Variants in LRP1B observed in about 807,000 individuals in gnomAD.
LRP1B encodes the protein low-density lipoprotein receptor-related protein 1B.
LRP1B carries 217 observed loss-of-function variants against 556.6 expected under a neutral mutation model. That is an observed-to-expected ratio of 0.39 (90% confidence interval 0.35 to 0.44). The LOEUF is 0.44. LRP1B is among the 20% of genes least tolerant of loss of function. LRP1B has a pLI of 1.00. For synonymous variants in LRP1B, 2,047 were observed against 1,865.8 expected (o/e 1.10, Z -2.50); for missense variants, 5,053 against 5,620.8 (o/e 0.90, Z 3.23).
chr2:140,399,186 C>G (rs1442511256), intron 66 of LRP1B, among the ~76,000 whole-genome samples: 1 of 152,012 alleles, frequency 6.6e-6, no homozygotes, highest in Admixed American at 6.6e-5. Context: ...CACACACACA[C>G]ACACCACTTA....
At chr2:140,691,129 G>A (rs762680433) in intron 41 of LRP1B, among the ~76,000 whole-genome samples, 67 of 152,184 alleles carry the variant, frequency 4.4e-4, no homozygotes, top group African/African-American at 1.5e-3. Flanking sequence ...TAAGCACATA[G>A]CCCTTTTAAC....
At chr2:141,318,433 C>T (rs973001166) in intron 3 of LRP1B, among the ~76,000 whole-genome samples, 2 of 152,092 alleles carry the variant, frequency 1.3e-5, no homozygotes, top group African/African-American at 4.8e-5. Flanking sequence ...TTTAAAATAA[C>T]TCTTTAAGTA....
chr2:141,316,449 C>A (rs1687039858), intron 3 of LRP1B, among the ~76,000 whole-genome samples: 1 of 152,078 alleles, frequency 6.6e-6, no homozygotes, highest in South Asian at 2.1e-4. Context: ...TAAAAGAGAA[C>A]AGCACCTTTG....
intron 1 of LRP1B, among the ~76,000 whole-genome samples, chr2:141,958,679 T>C (rs1701328501): frequency 6.6e-6 from 1 of 151,466 alleles, no homozygotes; most frequent in Non-Finnish European, 1.5e-5. Flanking sequence ...CAGAATAAAG[T>C]GAAAAGCTTT....
chr2:140,679,545 C>G (rs920467983), intron 41 of LRP1B, among the ~76,000 whole-genome samples: 1 of 152,148 alleles, frequency 6.6e-6, no homozygotes, highest in South Asian at 2.1e-4. Context: ...GAAGTTAAAA[C>G]ATAATGAGTA....
Position 141,346,275 on chromosome 2 carries a change from T to C in LRP1B, c.344-91634A>G, listed in dbSNP as rs533237548. Among the ~76,000 whole-genome samples the C allele has an allele frequency of 5.3e-5, 8 of 152,224 alleles. No homozygotes were observed. In the South Asian group the frequency reaches 1.7e-3, roughly 32 times the overall value. On this transcript the variant is annotated intron_variant, in intron 3 of 90. Transcript: ENST00000389484. ...ATTTTGTTTCAAAACAAAATACTGTTTTTTTAAAAAAAGCAACCCGTTGGG... is the reference window on the plus strand; with the variant it reads ...ATTTTGTTTCAAAACAAAATACTGTCTTTTTAAAAAAAGCAACCCGTTGGG...
chr2:142,095,151 T>A (rs981607254), intron 1 of LRP1B, among the ~76,000 whole-genome samples: 2 of 151,410 alleles, frequency 1.3e-5, no homozygotes, highest in South Asian at 2.1e-4. Flanking sequence ...TTTTTTTTTT[T>A]AAATCAGCAG....
At chr2:140,942,461 G>C (rs1695429200) in intron 20 of LRP1B, among the ~76,000 whole-genome samples, 1 of 152,040 alleles carries the variant, frequency 6.6e-6, no homozygotes, top group South Asian at 2.1e-4. Flanking sequence ...ATACATACAA[G>C]ATGATCATCT....
chr2:140,894,767 G>A (rs1196373366), intron 23 of LRP1B, among the ~76,000 whole-genome samples: 1 of 152,016 alleles, frequency 6.6e-6, no homozygotes, highest in East Asian at 1.9e-4. Context: ...TGGCCAACAT[G>A]GTGAAACCCC....
chr2:141,808,120 G>A (rs1042699407), intron 2 of LRP1B, among the ~76,000 whole-genome samples: 14 of 151,924 alleles, frequency 9.2e-5, no homozygotes, highest in South Asian at 4.2e-4. Context: ...ATTCTTCACC[G>A]GCATGAAGGA....
intron 3 of LRP1B, among the ~76,000 whole-genome samples, chr2:141,431,197 G>T (rs1680551388): frequency 7.5e-6 from 1 of 133,190 alleles, no homozygotes. Flanking sequence ...ATCCTGGTGA[G>T]CTAATGTAAT....
At chr2:141,217,973 GA>G (rs1432799452) in intron 6 of LRP1B, among the ~76,000 whole-genome samples, 4 of 151,944 alleles carry the variant, frequency 2.6e-5, no homozygotes, top group African/African-American at 9.7e-5. Context: ...CCAAAAACAT[GA>G]AAAAATACTC....
At chr2:141,695,686 C>A (rs1691712399) in intron 2 of LRP1B, among the ~76,000 whole-genome samples, 1 of 151,790 alleles carries the variant, frequency 6.6e-6, no homozygotes, top group Non-Finnish European at 1.5e-5. Context: ...ACACATATAT[C>A]CCCTTAATAA....
rs550294181 is a variant in LRP1B at position 140,264,134 on chromosome 2, T to C, written c.13247+6108A>G. The stretch of plus-strand genomic sequence containing the variant: ...ATCACTGTGTGTACAATGTGTCTGA[T>C]ACTTCCCTCTCTGTTCTTATCACCC... On this transcript the variant is annotated intron_variant, in intron 86 of 90. Transcript: ENST00000389484. 1.1e-4 allele frequency among the ~76,000 whole-genome samples: 17 copies of C among 151,966 alleles called. No individual in the cohort carries two copies. In the Middle Eastern group the frequency reaches 0.01, roughly 91 times the overall value.
intron 5 of LRP1B, among the ~76,000 whole-genome samples, chr2:141,230,632 T>C (rs775984709): frequency 3.9e-5 from 6 of 152,214 alleles, no homozygotes; most frequent in Non-Finnish European, 4.4e-5. Context: ...CTTACTACTC[T>C]TACTCTTGTT....
intron 2 of LRP1B, among the ~76,000 whole-genome samples, chr2:141,675,956 G>A (rs1158300891): frequency 6.6e-6 from 1 of 151,932 alleles, no homozygotes; most frequent in Non-Finnish European, 1.5e-5. Context: ...GATAAAGTTA[G>A]CAAGATTATT....
At chr2:140,261,074 A>T (rs1025200951) in intron 86 of LRP1B, among the ~76,000 whole-genome samples, 2 of 151,356 alleles carry the variant, frequency 1.3e-5, no homozygotes, top group African/African-American at 4.9e-5. Flanking sequence ...TATATAATAT[A>T]TATGATGAAA....
At chr2:141,611,178 A>G (rs981326482) in intron 2 of LRP1B, among the ~76,000 whole-genome samples, 1 of 152,228 alleles carries the variant, frequency 6.6e-6, no homozygotes, top group Non-Finnish European at 1.5e-5. Context: ...TCCCATAGTT[A>G]AAGGAGCTAC....
intron 80 of LRP1B, among the ~76,000 whole-genome samples, chr2:140,324,692 C>A (rs536486363): frequency 6.6e-6 from 1 of 151,658 alleles, no homozygotes; most frequent in Non-Finnish European, 1.5e-5. Context: ...ATTATTCTAA[C>A]TTTTGAAACT....
Sources: allele counts gnomAD v4.1 joint callset (sites outside exome capture counted in the v4.1 genomes callset), GRCh38; gene constraint gnomAD v4.1.1; transcripts MANE v1.5; gene names NCBI Gene and HGNC (gene_info 2026-07-23, HGNC 2026-07-21).